Variants in PCDHGB2 observed in about 807,000 individuals in gnomAD.
PCDHGB2 encodes the protein protocadherin gamma-B2.
In PCDHGB2, 55 loss-of-function variants were observed where a neutral mutation model predicts 59.3. The observed-to-expected ratio is 0.93, with a 90% CI of 0.75 to 1.16. The LOEUF (loss-of-function observed/expected upper bound fraction) is 1.16. PCDHGB2 is among the 50% of genes most tolerant of loss of function. PCDHGB2 has a pLI of 0.00. For synonymous variants in PCDHGB2, 516 were observed against 512.0 expected (o/e 1.01, Z -0.11); for missense variants, 1,228 against 1,198.5 (o/e 1.02, Z -0.36).
intron 1 of PCDHGB2, chr5:141,423,105 G>C (rs1480411428): frequency 1.9e-6 from 3 of 1,613,920 alleles, no homozygotes; most frequent in East Asian, 4.5e-5. Flanking sequence ...ACACGGGCGA[G>C]GTGCGTACAG....
chr5:141,431,227 C>G lies in PCDHGB2; in HGVS notation c.2422-63580C>G. ...CTGAGATGCGGTTCCCTCTACCCCA[C>G]GCCTGGGATCCGGATATCGGGAAGA... On this transcript the variant is annotated intron_variant, in intron 1 of 3. Coordinates refer to ENST00000522605, the MANE Select transcript of PCDHGB2 (RefSeq NM_018923.3). This position sits in a 1 kb window ranked among gnomAD's most constrained non-coding sequence, Gnocchi z 4.8. 6.2e-7 allele frequency: 1 copy of G among 1,614,180 alleles called. No individual in the cohort carries two copies. Among genetic ancestry groups the G allele is most frequent in the Non-Finnish European group, 8.5e-7 (1 of 1,180,042 alleles).
intron 1 of PCDHGB2, among the ~76,000 whole-genome samples, chr5:141,468,962 C>T (rs2099187487): frequency 6.7e-6 from 1 of 148,782 alleles, no homozygotes; most frequent in Non-Finnish European, 1.5e-5. Context: ...GTTTTTTTTA[C>T]CTTAGGCTTT....
chr5:141,389,718 C>G, intron 1 of PCDHGB2: 5 of 1,612,622 alleles, frequency 3.1e-6, no homozygotes, highest in Non-Finnish European at 4.2e-6. Flanking sequence ...GGCTAGCGAG[C>G]CCGGGCTCTT....
Position 141,404,163 on chromosome 5 carries a change from T to C in PCDHGB2, c.2421+41607T>C, listed in dbSNP as rs372897104. The C allele has an allele frequency of 4.6e-5, 74 of 1,613,126 alleles. No homozygotes were observed. The South Asian group carries it at 7.9e-4, about 17-fold the overall frequency. ...AATTCAGAAGAAGATTATTACAGATTGTTGACGGCCCAAATTCTTGACCGA... is the reference window on the plus strand; with the variant it reads ...AATTCAGAAGAAGATTATTACAGATCGTTGACGGCCCAAATTCTTGACCGA... On this transcript the variant is annotated intron_variant, in intron 1 of 3. Transcript: ENST00000522605.
chr5:141,394,178 C>T (rs1180220826), intron 1 of PCDHGB2: 2 of 1,613,812 alleles, frequency 1.2e-6, no homozygotes, highest in South Asian at 2.2e-5. Flanking sequence ...TCCCTCATGC[C>T]TCCTACTCAG....
intron 1 of PCDHGB2, among the ~76,000 whole-genome samples, chr5:141,480,672 T>A (rs1053078255): frequency 2.0e-5 from 3 of 152,166 alleles, no homozygotes; most frequent in African/African-American, 7.2e-5. Context: ...CCTAGAGACC[T>A]TTTAAAAATT....
chr5:141,394,322 G>T (rs1438978424), intron 1 of PCDHGB2: 3 of 1,613,960 alleles, frequency 1.9e-6, no homozygotes, highest in Non-Finnish European at 1.7e-6. Context: ...CCCTGTCCTC[G>T]TATATCTCCA....
At chr5:141,420,252 C>T (rs745697672) in intron 1 of PCDHGB2, 1 of 1,576,604 alleles carries the variant, frequency 6.3e-7, no homozygotes, top group Non-Finnish European at 8.6e-7. Flanking sequence ...AGCGTTGAAG[C>T]AGATAAGAAG....
chr5:141,433,313 C>T (rs2097582516), intron 1 of PCDHGB2: 5 of 866,388 alleles, frequency 5.8e-6, no homozygotes, highest in Admixed American at 2.8e-5. Context: ...CCCACCTTTG[C>T]CTCCGGTGTA....
chr5:141,377,889 C>T (rs914946378), intron 1 of PCDHGB2: 1 of 152,056 alleles, frequency 6.6e-6, no homozygotes, highest in Non-Finnish European at 1.5e-5. Flanking sequence ...AGATAGGATC[C>T]CCCTCTGTTG....
At chr5:141,454,316 A>G (rs887472165) in intron 1 of PCDHGB2, among the ~76,000 whole-genome samples, 4 of 152,188 alleles carry the variant, frequency 2.6e-5, no homozygotes, top group Non-Finnish European at 4.4e-5. Context: ...AAGCATTGAA[A>G]CCTCCAAGAA....
chr5:141,435,409 G>A (rs1387678336), intron 1 of PCDHGB2, among the ~76,000 whole-genome samples: 1 of 152,066 alleles, frequency 6.6e-6, no homozygotes, highest in African/African-American at 2.4e-5. Context: ...AAATGGTAAA[G>A]ACTATTTTTC....
intron 1 of PCDHGB2, chr5:141,399,194 C>T (rs770516092): frequency 1.2e-6 from 2 of 1,613,838 alleles, no homozygotes; most frequent in South Asian, 1.1e-5. Context: ...CTGGAAAACG[C>T]GGTGCCTGGA....
rs551303336 is a variant in PCDHGB2, at chr5:141,360,512, T to C, written c.377T>C (p.Ile126Thr). ...IFYIAVIVQD[I>T]NDNTPLFKQT... Reference sequence around the variant, plus strand: ...TACATAGCAGTAATTGTGCAGGATATAAATGATAATACCCCGCTATTCAAA... The same window carrying C: ...TACATAGCAGTAATTGTGCAGGATACAAATGATAATACCCCGCTATTCAAA... The change falls in exon 1 of 4, where the codon ATA becomes ACA. Residue 126 changes from isoleucine (I) to threonine (T), a missense_variant. Physicochemically the swap from Ile to Thr is moderately conservative, Grantham distance 89 (BLOSUM62 -1). Around this residue, in one of 3 missense-constraint regions of PCDHGB2, gnomAD observed 781 missense variants for 721.6 expected, o/e 1.08. Transcript: ENST00000522605. 2 of 1,613,978 alleles carry C rather than the reference T, an allele frequency of 1.2e-6. No homozygotes were observed. The highest frequency in any genetic ancestry group is 1.7e-6 in the Non-Finnish European group (2 of 1,179,882).
rs1468315559 is a variant in PCDHGB2 at position 141,493,636 on chromosome 5, G to A, written c.2422-1171G>A. 1.3e-5 allele frequency among the ~76,000 whole-genome samples: 2 copies of A among 152,130 alleles called. No individual in the cohort carries two copies. Among genetic ancestry groups the A allele is most frequent in the Non-Finnish European group, 2.9e-5 (2 of 68,040 alleles). The stretch of plus-strand genomic sequence containing the variant: ...TGTGTCTAAGAATACAGTGGCTGAG[G>A]GCTGGCCATCCCTGTGCCCTTCTCC... On this transcript the variant is annotated intron_variant, in intron 1 of 3. Transcript: ENST00000522605. The surrounding 1 kb of genome is among the most constrained non-coding windows in gnomAD (Gnocchi z 4.3).
rs540471918 is a variant in PCDHGB2 at position 141,433,283 on chromosome 5, T to C, written c.2422-61524T>C. ...ATCATAGCTCACTGCAGCCTCAAAC[T>C]CCTAGGCTCAAGCAATTATCCCACC... On this transcript the variant is annotated intron_variant, in intron 1 of 3. Coordinates refer to ENST00000522605, the MANE Select transcript of PCDHGB2 (RefSeq NM_018923.3). The C allele has an allele frequency of 4.2e-5, 50 of 1,183,074 alleles. No homozygotes were observed. In the Admixed American group the frequency reaches 7.9e-4, roughly 19 times the overall value. 73.3% of individuals were successfully genotyped at this position (1,183,074 alleles called of 1,614,324 possible).
intron 1 of PCDHGB2, among the ~76,000 whole-genome samples, chr5:141,437,983 A>G (rs544812394): frequency 4.6e-5 from 7 of 151,938 alleles, no homozygotes; most frequent in Admixed American, 2.6e-4. Context: ...GGATGCACCC[A>G]CCCCACCTCA....
intron 1 of PCDHGB2, chr5:141,423,754 G>C: frequency 1.7e-6 from 1 of 577,836 alleles, no homozygotes. Flanking sequence ...ACTGTTTGGG[G>C]GGGGGGTGGG....
chr5:141,480,225 G>A (rs1217912404), intron 1 of PCDHGB2, among the ~76,000 whole-genome samples: 1 of 147,152 alleles, frequency 6.8e-6, no homozygotes, highest in East Asian at 2.0e-4. Flanking sequence ...GCGACATAGT[G>A]AGATCCTGTC....
Sources: allele counts gnomAD v4.1 joint callset (sites outside exome capture counted in the v4.1 genomes callset), GRCh38; gene constraint gnomAD v4.1.1; regional missense constraint gnomAD v4.1.1; non-coding constraint Gnocchi (gnomAD v3.1); transcripts MANE v1.5; gene names NCBI Gene and HGNC (gene_info 2026-07-23, HGNC 2026-07-21).